The following FBH1 variants were observed in gnomAD, a reference collection of about 807,000 sequenced individuals.
FBH1 encodes the protein F-box DNA helicase 1.
FBH1 carries 43 observed loss-of-function variants against 115.5 expected under a neutral mutation model. The ratio of observed to expected loss-of-function variants is 0.37; its 90% CI spans 0.29 to 0.48. The LOEUF (loss-of-function observed/expected upper bound fraction) is 0.48, where lower values mean the gene tolerates loss of function less well. FBH1 is among the 20% of genes least tolerant of loss of function. The pLI, the probability that FBH1 is intolerant of heterozygous loss-of-function variation, is 0.99. For synonymous variants in FBH1, 524 were observed against 507.8 expected (o/e 1.03, Z -0.43); for missense variants, 1,001 against 1,337.3 (o/e 0.75, Z 3.92).
In FBH1 at chr10:5,909,232, C is replaced by T; in HGVS notation, c.958C>T (p.Leu320Phe). Residue 320 changes from leucine (L) to phenylalanine (F), a missense_variant, in exon 5 of 21, where the codon CTC becomes TTC. By Grantham distance (22) the Leu-to-Phe change is conservative. Around this residue, in one of 4 missense-constraint regions of FBH1, gnomAD observed 420 missense variants for 430.4 expected, o/e 0.98. Coordinates refer to ENST00000362091, the MANE Select transcript of FBH1 (RefSeq NM_178150.3). This position sits in a 1 kb window ranked among gnomAD's most constrained non-coding sequence, Gnocchi z 4.4. The part of the protein sequence containing the change: ...RVLWSLRDHP[L>F]LPEAEACVRQ... Reference sequence around the variant, plus strand: ...GCTGTGGAGTCTGAGGGACCACCCCCTCCTCCCCGAGGCTGAGGCGTGTGT... The same window carrying T: ...GCTGTGGAGTCTGAGGGACCACCCCTTCCTCCCCGAGGCTGAGGCGTGTGT... 1 of 1,613,468 alleles carries T rather than the reference C, an allele frequency of 6.2e-7. No homozygotes were observed. The highest frequency in any genetic ancestry group is 1.1e-5 in the South Asian group (1 of 91,084).
Position 5,925,137 on chromosome 10 carries a change from T to G in FBH1, c.2597-230T>G, listed in dbSNP as rs113026872. ...CTCTGGGATGTGATTCCGAGAGGCG[T>G]TAACTCTCCTGCAACTAATTTTCGA... On this transcript the variant is annotated intron_variant, in intron 17 of 20. Coordinates refer to ENST00000362091, the MANE Select transcript of FBH1 (RefSeq NM_178150.3). This position sits in a 1 kb window ranked among gnomAD's most constrained non-coding sequence, Gnocchi z 4.6. 24 of 510,848 alleles carry G rather than the reference T, an allele frequency of 4.7e-5. No individual in the cohort carries two copies. Among genetic ancestry groups the G allele is most frequent in the African/African-American group, 3.3e-4 (17 of 51,510 alleles). 31.6% of individuals were successfully genotyped at this position (510,848 alleles called of 1,614,324 possible).
rs1009470410 is a variant in FBH1 at position 5,911,999 on chromosome 10, G to A, written c.1211+871G>A. On this transcript the variant is annotated intron_variant, in intron 6 of 20. Transcript: ENST00000362091. The surrounding 1 kb of genome is among the most constrained non-coding windows in gnomAD (Gnocchi z 5.4). The stretch of plus-strand genomic sequence containing the variant: ...AAGAGAAAAAGTGCAGTGTGGCAAG[G>A]GTGGGAGGGAACACAAGATTGTGAA... Among the ~76,000 whole-genome samples, 5 of 152,118 alleles carry A rather than the reference G, an allele frequency of 3.3e-5. No homozygotes were observed. The highest frequency in any genetic ancestry group is 4.8e-5 in the African/African-American group (2 of 41,414).
intron 6 of FBH1, among the ~76,000 whole-genome samples, chr10:5,912,384 A>G (rs565442459): frequency 1.3e-3 from 196 of 151,684 alleles, no homozygotes; most frequent in Non-Finnish European, 2.2e-3. Context: ...AAAATGTAGA[A>G]TAAAACTCAG....
Position 5,906,689 on chromosome 10 carries a change from A to C in FBH1, c.753+57A>C. Reference sequence around the variant, plus strand: ...CTCTAAAAGCACGTAACTTTGCTTAATGCACGCTTATAATCAGAGGATCTT... The same window carrying C: ...CTCTAAAAGCACGTAACTTTGCTTACTGCACGCTTATAATCAGAGGATCTT... On this transcript the variant is annotated intron_variant, in intron 3 of 20. Transcript: ENST00000362091. The surrounding 1 kb of genome is among the most constrained non-coding windows in gnomAD (Gnocchi z 7.3). 1 of 1,348,708 alleles carries C rather than the reference A, an allele frequency of 7.4e-7. No homozygotes were observed. The highest frequency in any genetic ancestry group is 1.3e-5 in the South Asian group (1 of 77,328). 83.5% of individuals were successfully genotyped at this position (1,348,708 alleles called of 1,614,324 possible).
rs183586923 is a variant in FBH1 at position 5,911,160 on chromosome 10, G to T, written c.1211+32G>T. The T allele has an allele frequency of 6.3e-7, 1 of 1,583,432 alleles. No individual in the cohort carries two copies. Among genetic ancestry groups the T allele is most frequent in the African/African-American group, 1.3e-5 (1 of 74,410 alleles). ...CCCCGGGAGGAGGGGAGGGGATGCT[G>T]TGATAATGGGAGAGTCCCAGACACA... On this transcript the variant is annotated intron_variant, in intron 6 of 20. Transcript: ENST00000362091. This position sits in a 1 kb window ranked among gnomAD's most constrained non-coding sequence, Gnocchi z 5.4.
In FBH1 at chr10:5,917,764, GATT is replaced by G; in HGVS notation, c.1963+98_1963+100del. ...AGAGGACACCTGTGTGAACTAAGTTGATTATTATTATTTGTGATAAAGAAGAGG... is the reference window on the plus strand; with the variant it reads ...AGAGGACACCTGTGTGAACTAAGTTGATTATTATTTGTGATAAAGAAGAGG... On this transcript the variant is annotated intron_variant, in intron 12 of 20. Transcript: ENST00000362091. This position sits in a 1 kb window ranked among gnomAD's most constrained non-coding sequence, Gnocchi z 5.6. 1 of 998,384 alleles carries G rather than the reference GATT, an allele frequency of 1.0e-6. No homozygotes were observed. The highest frequency in any genetic ancestry group is 1.6e-5 in the African/African-American group (1 of 62,512). 61.8% of individuals were successfully genotyped at this position (998,384 alleles called of 1,614,324 possible). A position where few individuals can be genotyped will look rare whatever the true frequency, so the allele number is the denominator to read the frequency against.
At chr10:5,922,438 C>T (rs1357040457) in intron 15 of FBH1, among the ~76,000 whole-genome samples, 1 of 152,086 alleles carries the variant, frequency 6.6e-6, no homozygotes, top group African/African-American at 2.4e-5. Flanking sequence ...ACTTTGATGA[C>T]CTTATAATAT....
chr10:5,904,530 CTG>C (rs976463364), intron 2 of FBH1, among the ~76,000 whole-genome samples: 1 of 152,076 alleles, frequency 6.6e-6, no homozygotes, highest in African/African-American at 2.4e-5. Context: ...ATCTCAGTGA[CTG>C]TGGGTGTGAC....
rs75471974 is a variant in FBH1 at position 5,892,147 on chromosome 10, C to T, written c.1+1801C>T. Among the ~76,000 whole-genome samples the T allele has an allele frequency of 9.3e-3, 1,413 of 152,266 alleles. 16 individuals carry two copies. The highest frequency in any genetic ancestry group is 0.032 in the African/African-American group (1,329 of 41,534). On this transcript the variant is annotated intron_variant, in intron 1 of 20. Coordinates refer to ENST00000362091, the MANE Select transcript of FBH1 (RefSeq NM_178150.3). The stretch of plus-strand genomic sequence containing the variant: ...GGATGGAGCTGTTTCCTGGGTCTTG[C>T]TGTTTTCCGGTTGGGCTGCTCATTT...
chr10:5,908,813 G>T (rs1332402418), intron 3 of FBH1, 112 bp from the exon 4 acceptor site: 7 of 1,217,116 alleles, frequency 5.8e-6, no homozygotes, highest in Non-Finnish European at 1.2e-6. Context: ...GCTTCACCAT[G>T]TTGGCCATGC....
rs762736944 is a variant in FBH1 at position 5,903,168 on chromosome 10, G to A, written c.150G>A (p.Gly50=). The A allele has an allele frequency of 6.2e-7, 1 of 1,609,134 alleles. No homozygotes were observed. The highest frequency in any genetic ancestry group is 1.1e-5 in the South Asian group (1 of 89,864). ...ATCCTAAACCGAGAACAAAAAGAGG[G>A]AGTAGGGGTATGTCTCCTCTAAAAC... ...GLYPKPRTKR[G]SRGQGSQRCI... is the part of the protein sequence containing the mutation. Residue 50 remains glycine, a synonymous_variant, in exon 2 of 21, where the codon GGG becomes GGA. Transcript: ENST00000362091.
rs962734844 is a variant in FBH1 at position 5,908,606 on chromosome 10, C to CT, written c.754-306dup. On this transcript the variant is annotated intron_variant, in intron 3 of 20. Transcript: ENST00000362091. ...GTGGCTTAATCTGCTTTTTTTCTTTCTTTTTTTTTTTTTGAGATGGAGTCT... is the reference window on the plus strand; with the variant it reads ...GTGGCTTAATCTGCTTTTTTTCTTTCTTTTTTTTTTTTTTGAGATGGAGTCT... Among the ~76,000 whole-genome samples, 215 of 143,922 alleles carry CT rather than the reference C, an allele frequency of 1.5e-3. 1 individual carries two copies. The highest frequency in any genetic ancestry group is 7.2e-3 in the Middle Eastern group (2 of 276). 94.4% of individuals were successfully genotyped at this position (143,922 alleles called of 152,430 possible).
rs1041058207 is a variant in FBH1 at position 5,936,655 on chromosome 10, C to G, written c.2961+68C>G. The G allele has an allele frequency of 2.3e-5, 36 of 1,589,004 alleles. 1 individual carries two copies. In the African/African-American group the frequency reaches 4.3e-4, roughly 19 times the overall value. ...TTTTGCTTGTGAGCTCTGTGCTTAT[C>G]TGGGTTGTAGGTGAGGAGATAAGAG... On this transcript the variant is annotated intron_variant, in intron 20 of 20. Coordinates refer to ENST00000362091, the MANE Select transcript of FBH1 (RefSeq NM_178150.3). The surrounding 1 kb of genome is among the most constrained non-coding windows in gnomAD (Gnocchi z 5.6).
chr10:5,908,368 T>C (rs537171825), intron 3 of FBH1, among the ~76,000 whole-genome samples: 4 of 152,338 alleles, frequency 2.6e-5, no homozygotes, highest in Non-Finnish European at 5.9e-5. Flanking sequence ...ATTGAAACCC[T>C]GAGTTACGTG....
chr10:5,891,228 A>T (rs945435627), intron 1 of FBH1: 1 of 969,456 alleles, frequency 1.0e-6, no homozygotes, highest in Non-Finnish European at 1.2e-6. Context: ...GAATGGGCCC[A>T]TGAAGATAAG....
chr10:5,890,250 C>G lies in FBH1; in HGVS notation c.-96C>G. Reference sequence around the variant, plus strand: ...GGGCGTCTCGGGCTCCAGGTCCCGGCCAGAGGAGGAGCTCGCTGCCGGGGG... The same window carrying G: ...GGGCGTCTCGGGCTCCAGGTCCCGGGCAGAGGAGGAGCTCGCTGCCGGGGG... On this transcript the variant is annotated 5_prime_UTR_variant, in exon 1 of 21. Transcript: ENST00000362091. 8.2e-6 allele frequency: 3 copies of G among 363,928 alleles called. No homozygotes were observed. Among genetic ancestry groups the G allele is most frequent in the African/African-American group, 2.1e-5 (1 of 46,530 alleles). The allele number at this position is 363,928 out of a possible 1,614,324, so 22.5% of individuals were successfully genotyped here.
chr10:5,917,705 GTCAA>G lies in FBH1; in HGVS notation c.1963+30_1963+33del. ...ATACACTGTTCAGGACATCAGTAGTGTCAAATACGTAGAAACAGCGCCATGATTA... is the reference window on the plus strand; with the variant it reads ...ATACACTGTTCAGGACATCAGTAGTGATACGTAGAAACAGCGCCATGATTA... On this transcript the variant is annotated intron_variant, in intron 12 of 20. Coordinates refer to ENST00000362091, the MANE Select transcript of FBH1 (RefSeq NM_178150.3). The surrounding 1 kb of genome is among the most constrained non-coding windows in gnomAD (Gnocchi z 5.6). 2 of 1,546,142 alleles carry G rather than the reference GTCAA, an allele frequency of 1.3e-6. No individual in the cohort carries two copies. Among genetic ancestry groups the G allele is most frequent in the Non-Finnish European group, 1.8e-6 (2 of 1,120,806 alleles).
Position 5,923,690 on chromosome 10 carries a change from A to G in FBH1, c.2392A>G (p.Arg798Gly), listed in dbSNP as rs1220804639. 1 of 1,613,900 alleles carries G rather than the reference A, an allele frequency of 6.2e-7. No homozygotes were observed. Among genetic ancestry groups the G allele is most frequent in the Non-Finnish European group, 8.5e-7 (1 of 1,179,878 alleles). Residue 798 changes from arginine to glycine, a missense_variant, in exon 16 of 21, where the codon AGG becomes GGG. This residue lies in a region of FBH1 where 521 missense variants were observed against 811.0 expected (regional missense o/e 0.64). Coordinates refer to ENST00000362091, the MANE Select transcript of FBH1 (RefSeq NM_178150.3). This position sits in a 1 kb window ranked among gnomAD's most constrained non-coding sequence, Gnocchi z 5.7. Reference protein sequence around the residue: ...WILLQPEEERRKQNLVIKDKF... With the variant: ...WILLQPEEERGKQNLVIKDKF... The stretch of plus-strand genomic sequence containing the variant: ...CCTTCTTCAGCCAGAGGAAGAACGG[A>G]GGAAACGTGAGTACCCACCTGGCCT...
At chr10:5,892,849 T>C (rs1842811249) in intron 1 of FBH1, among the ~76,000 whole-genome samples, 1 of 152,252 alleles carries the variant, frequency 6.6e-6, no homozygotes, top group African/African-American at 2.4e-5. Context: ...CTTATGCACC[T>C]GCAGGGTCTG....
Sources: gnomAD v4.1 joint callset for allele counts (sites outside exome capture counted in the v4.1 genomes callset) on GRCh38, gnomAD v4.1.1 for gene constraint, gnomAD v4.1.1 regional missense constraint, Gnocchi (gnomAD v3.1) non-coding constraint, MANE v1.5 for transcripts, NCBI Gene and HGNC (gene_info 2026-07-23, HGNC 2026-07-21) for gene names.